The following CSMD1 variants were observed in gnomAD, a reference collection of about 807,000 sequenced individuals.
CSMD1 encodes the protein CUB and Sushi multiple domains 1.
In CSMD1, 213 loss-of-function variants were observed where a neutral mutation model predicts 417.5. The observed-to-expected ratio is 0.51, with a 90% CI of 0.46 to 0.57. CSMD1 has a LOEUF of 0.57. Ranked by LOEUF, CSMD1 falls within the 20% of genes least tolerant of loss-of-function variation. The probability of loss-of-function intolerance (pLI) is 0.00; values close to 1 mark genes in which losing one functional copy is unlikely to be tolerated. For missense variants in CSMD1, 6,923 were observed against 4,529.7 expected, an observed-to-expected ratio of 1.53 and a Z score of -15.17; for synonymous variants, 2,862 against 1,736.8, an observed-to-expected ratio of 1.65 and a Z score of -16.11.
At chr8:3,152,840 G>A (rs138834073) in intron 39 of CSMD1, among the ~76,000 whole-genome samples, 25 of 152,142 alleles carry the variant, frequency 1.6e-4, no homozygotes, top group African/African-American at 5.3e-4. Flanking sequence ...CTGAATGTGC[G>A]GAAGACACAC....
At chr8:3,525,530 A>T (rs1212977972) in intron 10 of CSMD1, among the ~76,000 whole-genome samples, 1 of 152,158 alleles carries the variant, frequency 6.6e-6, no homozygotes, top group Non-Finnish European at 1.5e-5. Context: ...TTTACTCTGA[A>T]AATATTGGTG....
chr8:3,165,536 A>G (rs1001284978), intron 37 of CSMD1, among the ~76,000 whole-genome samples: 2 of 151,890 alleles, frequency 1.3e-5, no homozygotes, highest in Admixed American at 1.3e-4. Flanking sequence ...GGTTCATGCC[A>G]TTCTCCTGCC....
chr8:2,981,004 C>T (rs1205642161), intron 54 of CSMD1, among the ~76,000 whole-genome samples: 3 of 152,340 alleles, frequency 2.0e-5, no homozygotes, highest in East Asian at 1.9e-4. Flanking sequence ...TCTTCTCATG[C>T]ACCTTTTCAG....
chr8:4,672,205 C>T (rs1805374279), intron 1 of CSMD1, among the ~76,000 whole-genome samples: 1 of 152,176 alleles, frequency 6.6e-6, no homozygotes, highest in South Asian at 2.1e-4. Context: ...GAAGAGAGGA[C>T]AATGGCAGCT....
At chr8:4,093,558 G>C (rs117997159) in intron 3 of CSMD1, among the ~76,000 whole-genome samples, 3,042 of 152,176 alleles carry the variant, frequency 0.02, 42 homozygotes, top group Non-Finnish European at 0.029. Flanking sequence ...CTTTTATATA[G>C]AACACCACAT....
chr8:4,523,944 G>C (rs918480106), intron 2 of CSMD1, among the ~76,000 whole-genome samples: 1 of 152,056 alleles, frequency 6.6e-6, no homozygotes, highest in African/African-American at 2.4e-5. Flanking sequence ...CTCTGTGAAA[G>C]TCCAGGTGTT....
At chr8:4,039,703 G>C (rs954176763) in intron 3 of CSMD1, among the ~76,000 whole-genome samples, 4 of 152,174 alleles carry the variant, frequency 2.6e-5, no homozygotes, top group African/African-American at 9.7e-5. Flanking sequence ...AAATATACTT[G>C]AAGGTGGAAA....
intron 1 of CSMD1, among the ~76,000 whole-genome samples, chr8:4,727,996 ATATT>A (rs1563233154): frequency 1.4e-5 from 2 of 144,514 alleles, no homozygotes; most frequent in African/African-American, 5.0e-5. Context: ...TACAAAATAT[ATATT>A]TATATACAAA....
At chr8:3,610,508 G>C (rs149174654) in intron 8 of CSMD1, among the ~76,000 whole-genome samples, 21 of 87,856 alleles carry the variant, frequency 2.4e-4, no homozygotes, top group Middle Eastern at 6.7e-3. Context: ...GTAACAGATT[G>C]TCTCTATAAA....
chr8:4,300,805 A>G lies in CSMD1; in HGVS notation c.415+119148T>C, dbSNP rs553134352. ...CAGTGTTTGGTTTTTTGTCCTGGCAATAGTTTGCTGAGAATGATGGTTTCC... is the reference window on the plus strand; with the variant it reads ...CAGTGTTTGGTTTTTTGTCCTGGCAGTAGTTTGCTGAGAATGATGGTTTCC... On this transcript the variant is annotated intron_variant, in intron 3 of 69. Coordinates refer to ENST00000635120, the MANE Select transcript of CSMD1 (RefSeq NM_033225.6). Among the ~76,000 whole-genome samples, 4 of 152,182 alleles carry G rather than the reference A, an allele frequency of 2.6e-5. No individual in the cohort carries two copies. The South Asian group carries it at 6.2e-4, about 24-fold the overall frequency.
At chr8:3,966,261 A>T (rs1315190398) in intron 5 of CSMD1, among the ~76,000 whole-genome samples, 1 of 152,202 alleles carries the variant, frequency 6.6e-6, no homozygotes. Flanking sequence ...AATATTGCAA[A>T]GATACTTAAA....
chr8:4,906,088 C>G (rs1452293146), intron 1 of CSMD1, among the ~76,000 whole-genome samples: 1 of 152,016 alleles, frequency 6.6e-6, no homozygotes, highest in African/African-American at 2.4e-5. Flanking sequence ...TGGAGCTGAC[C>G]AATAATCAAA....
At chr8:3,511,377 TAA>T (rs11288667) in intron 10 of CSMD1, among the ~76,000 whole-genome samples, 21 of 149,510 alleles carry the variant, frequency 1.4e-4, no homozygotes, top group African/African-American at 2.7e-4. Flanking sequence ...CTTAAAGTAT[TAA>T]AAAAAAAAAT....
chr8:4,316,887 G>A (rs1187438839), intron 3 of CSMD1, among the ~76,000 whole-genome samples: 1 of 152,210 alleles, frequency 6.6e-6, no homozygotes, highest in South Asian at 2.1e-4. Flanking sequence ...CCAAATCTTG[G>A]GGTGGGGGAA....
intron 54 of CSMD1, among the ~76,000 whole-genome samples, chr8:2,982,861 A>G (rs1805540532): frequency 6.6e-6 from 1 of 152,190 alleles, no homozygotes; most frequent in Admixed American, 6.5e-5. Context: ...GTTGATCAAT[A>G]GAAACGAAGC....
intron 5 of CSMD1, among the ~76,000 whole-genome samples, chr8:3,913,176 G>A (rs573587385): frequency 6.6e-6 from 1 of 152,254 alleles, no homozygotes; most frequent in East Asian, 1.9e-4. Flanking sequence ...GAGATGTTGA[G>A]TTGAGAACCG....
chr8:4,315,699 G>A (rs1585216435), intron 3 of CSMD1, among the ~76,000 whole-genome samples: 1 of 152,154 alleles, frequency 6.6e-6, no homozygotes, highest in East Asian at 1.9e-4. Flanking sequence ...AGCCATTGAA[G>A]TCATATTTGT....
chr8:3,555,923 C>G (rs1017176922), intron 10 of CSMD1, among the ~76,000 whole-genome samples: 1 of 152,062 alleles, frequency 6.6e-6, no homozygotes, highest in African/African-American at 2.4e-5. Context: ...TAAAACAGCT[C>G]CCAGAAAGCA....
chr8:4,459,980 T>C (rs905236271), intron 2 of CSMD1, among the ~76,000 whole-genome samples: 1 of 152,080 alleles, frequency 6.6e-6, no homozygotes, highest in African/African-American at 2.4e-5. Context: ...AAAATGACCA[T>C]CAGACTAGAC....
Sources: allele counts gnomAD v4.1 joint callset (sites outside exome capture counted in the v4.1 genomes callset), GRCh38; gene constraint gnomAD v4.1.1; transcripts MANE v1.5; gene names NCBI Gene and HGNC (gene_info 2026-07-23, HGNC 2026-07-21).